PTPRS: variants seen among roughly 807,000 people sequenced by gnomAD.
PTPRS encodes receptor-type tyrosine-protein phosphatase S.
PTPRS carries 63 observed loss-of-function variants against 215.3 expected under a neutral mutation model. The ratio of observed to expected loss-of-function variants is 0.29; its 90% CI spans 0.24 to 0.36. The LOEUF is 0.36. Among genes scored for constraint, PTPRS ranks in the 10% least tolerant of loss-of-function variants. The probability of loss-of-function intolerance (pLI) is 1.00; values close to 1 mark genes in which losing one functional copy is unlikely to be tolerated. For synonymous variants in PTPRS, 1,404 were observed against 1,191.4 expected (o/e 1.18, Z -3.68); for missense variants, 2,258 against 2,825.8 (o/e 0.80, Z 4.56).
At chr19:5,216,902 C>T (rs1399267293) in intron 25 of PTPRS, 135 bp from the exon 26 acceptor site, 2 of 636,990 alleles carry the variant, frequency 3.1e-6, no homozygotes, top group East Asian at 2.7e-5. Context: ...TATGTACAGC[C>T]ACCTGGGCCC....
Position 5,206,694 on chromosome 19 carries a change from G to A in PTPRS, c.*80C>T, listed in dbSNP as rs867316919. 2.5e-5 allele frequency: 32 copies of A among 1,295,216 alleles called. No homozygotes were observed. The highest frequency in any genetic ancestry group is 1.8e-4 in the South Asian group (15 of 83,010). The allele number at this position is 1,295,216 out of a possible 1,614,324, so 80.2% of individuals were successfully genotyped here. ...CCACCTCCTGCCCTGCCCACTGGGG[G>A]TCCAGGCCTCAGGAGGTCCGCCCGG... On this transcript the variant is annotated 3_prime_UTR_variant, in exon 38 of 38. Transcript: ENST00000262963.
At position 5,223,042 on chromosome 19, in the gene PTPRS, G is replaced by A. The variant is rs1037036904; in HGVS notation, c.2750C>T (p.Ala917Val). 1 of 1,548,110 alleles carries A rather than the reference G, an allele frequency of 6.5e-7. No individual in the cohort carries two copies. Among genetic ancestry groups the A allele is most frequent in the Non-Finnish European group, 8.7e-7 (1 of 1,147,886 alleles). The part of the protein sequence containing the change: ...ARSRGGLGEE[A>V]AEVLSIPEDT... ...CTCCGGGATGCTCAGGACCTCGGCT[G>A]CCTCCTCGCCCAGGCCGCCGCGGCT... Residue 917 changes from alanine to valine, a missense_variant, in exon 18 of 38, where the codon GCA (alanine) becomes GTA (valine). Transcript: ENST00000262963.
In PTPRS at chr19:5,215,372, T is replaced by C. The variant is rs201183797; in HGVS notation, c.4235A>G (p.Asn1412Ser). ...GTTCTTCGGCTTGTTCACTTCCAGG[T>C]TGGAATGTTCCCATGTGAACTGCTG... ...PGQQFTWEHS[N>S]LEVNKPKNRY... Residue 1412 changes from asparagine to serine, a missense_variant, in exon 28 of 38, where the codon AAC becomes AGC. Transcript: ENST00000262963. 6.2e-7 allele frequency: 1 copy of C among 1,614,060 alleles called. No individual in the cohort carries two copies. The highest frequency in any genetic ancestry group is 1.7e-5 in the Admixed American group (1 of 60,012).
intron 7 of PTPRS, among the ~76,000 whole-genome samples, chr19:5,259,145 A>G (rs1038615249): frequency 3.3e-5 from 5 of 152,184 alleles, no homozygotes; most frequent in African/African-American, 1.2e-4. Context: ...TTTGTTGGTC[A>G]TGAGTAAATA....
In PTPRS at chr19:5,244,743, C is replaced by T. The variant is rs1479909704; in HGVS notation, c.989-261G>A. Among the ~76,000 whole-genome samples, 1 of 152,196 alleles carries T rather than the reference C, an allele frequency of 6.6e-6. No individual in the cohort carries two copies. The highest frequency in any genetic ancestry group is 6.5e-5 in the Admixed American group (1 of 15,282). On this transcript the variant is annotated intron_variant, in intron 10 of 37. Coordinates refer to ENST00000262963, the MANE Select transcript of PTPRS (RefSeq NM_002850.4). This position sits in a 1 kb window ranked among gnomAD's most constrained non-coding sequence, Gnocchi z 7.2. ...CACCCACAGTGGCACGATCTCGGCTCACTGCAAGCTCCGTCTCCCGGGTTC... is the reference window on the plus strand; with the variant it reads ...CACCCACAGTGGCACGATCTCGGCTTACTGCAAGCTCCGTCTCCCGGGTTC...
At chr19:5,301,370 C>A (rs2147091594) in intron 1 of PTPRS, among the ~76,000 whole-genome samples, 1 of 149,396 alleles carries the variant, frequency 6.7e-6, no homozygotes, top group South Asian at 2.1e-4. Context: ...GGCTGGAGTA[C>A]AGTGGCACCA....
chr19:5,206,760 G>T lies in PTPRS; in HGVS notation c.*14C>A, dbSNP rs776660566. The T allele has an allele frequency of 6.2e-6, 10 of 1,612,836 alleles. No homozygotes were observed. The highest frequency in any genetic ancestry group is 1.6e-4 in the Middle Eastern group (1 of 6,072). On this transcript the variant is annotated 3_prime_UTR_variant, in exon 38 of 38. Coordinates refer to ENST00000262963, the MANE Select transcript of PTPRS (RefSeq NM_002850.4). ...CCGGGGCCAGTGGTGTCGGGCCTGG[G>T]GGGAACCATGGCTTTAGGTTGCATA...
intron 37 of PTPRS, 91 bp from the exon 38 acceptor site, chr19:5,206,933 A>C: frequency 8.4e-7 from 1 of 1,189,250 alleles, no homozygotes; most frequent in Non-Finnish European, 1.2e-6. Context: ...CAAGCTCCTC[A>C]GCCTTGTGCG....
intron 11 of PTPRS, among the ~76,000 whole-genome samples, chr19:5,241,095 G>T (rs1359103196): frequency 6.6e-6 from 1 of 151,118 alleles, no homozygotes; most frequent in Non-Finnish European, 1.5e-5. Context: ...TCACCAATTG[G>T]CCAGGCTGGT....
chr19:5,222,789 C>T lies in PTPRS; in HGVS notation c.3003G>A (p.Lys1001=), dbSNP rs1416406546. The part of the protein sequence containing the change: ...AENALTLQGL[K]PDTAYDLQVR... ...CTTGGAGGTCATAGGCCGTGTCGGG[C>T]TTCAGGCCCTGCAGCGTGAGCGCGT... The change falls in exon 18 of 38, where the codon AAG becomes AAA. Residue 1001 remains lysine, a synonymous_variant. Coordinates refer to ENST00000262963, the MANE Select transcript of PTPRS (RefSeq NM_002850.4). 2 of 1,598,724 alleles carry T rather than the reference C, an allele frequency of 1.3e-6. No individual in the cohort carries two copies. Among genetic ancestry groups the T allele is most frequent in the South Asian group, 1.1e-5 (1 of 90,968 alleles).
intron 25 of PTPRS, among the ~76,000 whole-genome samples, chr19:5,218,202 T>TTA (rs1555743375): frequency 0.038 from 5,517 of 146,292 alleles, 144 homozygotes; most frequent in Non-Finnish European, 0.056. Flanking sequence ...ATGTTAACTT[T>TTA]AAAAAAAAAA....
chr19:5,218,601 C>A, intron 24 of PTPRS, 69 bp from the exon 25 acceptor site: 1 of 1,550,576 alleles, frequency 6.4e-7, no homozygotes, highest in South Asian at 1.1e-5. Context: ...ACAATTCAGG[C>A]CCCAGGAATG....
intron 23 of PTPRS, 30 bp downstream of exon 23, chr19:5,219,280 A>C (rs1461274982): frequency 4.3e-6 from 7 of 1,612,558 alleles, no homozygotes; most frequent in African/African-American, 1.3e-5. Flanking sequence ...CCCTGCTGTC[A>C]AGTCAAGTCG....
At chr19:5,226,742 G>A (rs915087819) in intron 16 of PTPRS, among the ~76,000 whole-genome samples, 2 of 147,576 alleles carry the variant, frequency 1.4e-5, no homozygotes, top group Non-Finnish European at 1.5e-5. Flanking sequence ...GAGCAAGACT[G>A]TCTCAAAAAT....
chr19:5,317,938 G>A (rs760669088), intron 1 of PTPRS, among the ~76,000 whole-genome samples: 6 of 152,194 alleles, frequency 3.9e-5, no homozygotes, highest in African/African-American at 1.2e-4. Context: ...TTGGGATGCC[G>A]AGGCGGGCGG....
chr19:5,283,934 G>C (rs923455515), intron 2 of PTPRS, among the ~76,000 whole-genome samples: 8 of 152,130 alleles, frequency 5.3e-5, no homozygotes, highest in Non-Finnish European at 7.3e-5. Flanking sequence ...ACTTAGCCAG[G>C]CCAGGCACTG....
At chr19:5,246,091 G>A (rs2044457522) in intron 9 of PTPRS, 46 bp from the exon 10 acceptor site, 4 of 1,234,210 alleles carry the variant, frequency 3.2e-6, no homozygotes, top group Admixed American at 3.1e-5. Flanking sequence ...TGCGAGGGGT[G>A]AGGTGGGGTG....
rs77540740 is a variant in PTPRS at position 5,293,643 on chromosome 19, G to A, written c.-94-7409C>T. Among the ~76,000 whole-genome samples, 8,137 of 152,192 alleles carry A rather than the reference G, an allele frequency of 0.053. 243 individuals are homozygous for A. Among genetic ancestry groups the A allele is most frequent in the Middle Eastern group, 0.088 (26 of 294 alleles). ...GCTCCCCAAACACACCCAACTACAG[G>A]AGGTCGGAGAAGGGGCAGAGTTCCC... On this transcript the variant is annotated intron_variant, in intron 1 of 37. Transcript: ENST00000262963. This position sits in a 1 kb window ranked among gnomAD's most constrained non-coding sequence, Gnocchi z 8.4.
chr19:5,304,668 A>G (rs2147112098), intron 1 of PTPRS, among the ~76,000 whole-genome samples: 2 of 152,120 alleles, frequency 1.3e-5, no homozygotes, highest in South Asian at 2.1e-4. Flanking sequence ...AAAGCAAACA[A>G]AAAGAGATCA....
Sources: allele counts gnomAD v4.1 joint callset (sites outside exome capture counted in the v4.1 genomes callset), GRCh38; gene constraint gnomAD v4.1.1; non-coding constraint Gnocchi (gnomAD v3.1); transcripts MANE v1.5; gene names NCBI Gene and HGNC (gene_info 2026-07-23, HGNC 2026-07-21).